The following ALDH1A2 variants were observed in gnomAD, a reference collection of about 807,000 sequenced individuals.
ALDH1A2 encodes the protein aldehyde dehydrogenase 1 family member A2.
A neutral mutation model predicts 60.3 loss-of-function variants in ALDH1A2; 27 were observed. That is an observed-to-expected ratio of 0.45 (90% CI 0.33 to 0.62). The LOEUF (loss-of-function observed/expected upper bound fraction) is 0.62. Ranked by LOEUF, ALDH1A2 falls within the 20% of genes least tolerant of loss-of-function variation. ALDH1A2 has a pLI of 0.02. For missense variants in ALDH1A2, 581 were observed against 643.8 expected (o/e 0.90, Z 1.06); for synonymous variants, 289 against 232.4 (o/e 1.24, Z -2.21).
chr15:57,993,158 A>T, intron 5 of ALDH1A2, 85 bp from the exon 6 acceptor site: 11 of 1,501,134 alleles, frequency 7.3e-6, no homozygotes, highest in Non-Finnish European at 9.1e-6. Flanking sequence ...CATATTTCTC[A>T]AACTAGTCCT....
At chr15:57,967,996 G>A (rs2140457346) in intron 7 of ALDH1A2, among the ~76,000 whole-genome samples, 2 of 152,216 alleles carry the variant, frequency 1.3e-5, no homozygotes, top group South Asian at 4.2e-4. Context: ...AGGGCAACTG[G>A]GGAAACAGCA....
chr15:57,972,686 A>C (rs1894110605), intron 7 of ALDH1A2, among the ~76,000 whole-genome samples: 1 of 152,226 alleles, frequency 6.6e-6, no homozygotes, highest in African/African-American at 2.4e-5. Context: ...ATTTTTTAAA[A>C]AGAGAAGTTT....
intron 1 of ALDH1A2, among the ~76,000 whole-genome samples, chr15:58,064,103 G>A (rs1245844969): frequency 3.9e-5 from 6 of 152,090 alleles, no homozygotes; most frequent in African/African-American, 9.7e-5. Flanking sequence ...TTTCTCCTGT[G>A]TAGATCTTCC....
At chr15:57,985,822 T>C (rs1227681043) in intron 7 of ALDH1A2, among the ~76,000 whole-genome samples, 6 of 152,124 alleles carry the variant, frequency 3.9e-5, no homozygotes, top group African/African-American at 9.7e-5. Flanking sequence ...GTAAAACTTA[T>C]AAAAATCAAG....
chr15:57,990,952 A>T (rs1894877824), intron 7 of ALDH1A2, among the ~76,000 whole-genome samples: 1 of 152,144 alleles, frequency 6.6e-6, no homozygotes, highest in African/African-American at 2.4e-5. Flanking sequence ...GTCAACAGAA[A>T]AAGGTTAAAG....
In ALDH1A2 at chr15:57,988,213, A is replaced by G. The variant is rs77461359; in HGVS notation, c.798+4492T>C. 9.2e-5 allele frequency among the ~76,000 whole-genome samples: 14 copies of G among 152,360 alleles called. 1 individual carries two copies. The East Asian group carries it at 2.3e-3, about 25-fold the overall frequency. On this transcript the variant is annotated intron_variant, in intron 7 of 12. Coordinates refer to ENST00000249750, the MANE Select transcript of ALDH1A2 (RefSeq NM_003888.4). ...TAACACAAAGGATGAGATTGGAACA[A>G]TGCTGCTGTATGGTTACCACACTGT...
At chr15:58,025,038 A>C (rs1854112446) in intron 1 of ALDH1A2, among the ~76,000 whole-genome samples, 1 of 152,170 alleles carries the variant, frequency 6.6e-6, no homozygotes. Flanking sequence ...AAGCAGTGCT[A>C]AGAGGAAATT....
chr15:58,032,799 C>G (rs1896276848), intron 1 of ALDH1A2, among the ~76,000 whole-genome samples: 1 of 151,850 alleles, frequency 6.6e-6, no homozygotes, highest in African/African-American at 2.4e-5. Context: ...AACACACACA[C>G]ACACACACAC....
intron 1 of ALDH1A2, among the ~76,000 whole-genome samples, chr15:58,027,335 G>T (rs973718745): frequency 6.6e-6 from 1 of 152,122 alleles, no homozygotes; most frequent in African/African-American, 2.4e-5. Context: ...AAACAGAAAG[G>T]AATAGCATCA....
In ALDH1A2 at chr15:57,995,240, A is replaced by G. The variant is rs550639196; in HGVS notation, c.494-101T>C. On this transcript the variant is annotated intron_variant, in intron 4 of 12. Transcript: ENST00000249750. ...TGCAAAAAAAAAAAAAAAAAAACAA[A>G]CAGAAATAAACTTGAAAAAACATCC... 89 of 826,778 alleles carry G rather than the reference A, an allele frequency of 1.1e-4. 6 individuals are homozygous for G. In the South Asian group the frequency reaches 1.3e-3, roughly 12 times the overall value. 51.2% of individuals were successfully genotyped at this position (826,778 alleles called of 1,614,324 possible).
chr15:58,037,212 T>A (rs1190914179), intron 1 of ALDH1A2, among the ~76,000 whole-genome samples: 2 of 150,844 alleles, frequency 1.3e-5, no homozygotes, highest in Non-Finnish European at 3.0e-5. Context: ...ATCAGAAAAC[T>A]CATATAGGTA....
chr15:58,007,585 C>T (rs1370475536), intron 4 of ALDH1A2, among the ~76,000 whole-genome samples: 1 of 151,958 alleles, frequency 6.6e-6, no homozygotes, highest in East Asian at 1.9e-4. Flanking sequence ...CATTTAAAAT[C>T]CAGACTATCT....
intron 1 of ALDH1A2, among the ~76,000 whole-genome samples, chr15:58,050,979 CAGG>C (rs1486493433): frequency 6.6e-6 from 1 of 152,116 alleles, no homozygotes; most frequent in Non-Finnish European, 1.5e-5. Context: ...GATTTCTCCA[CAGG>C]AGACTAAACA....
rs1897152716 is a variant in ALDH1A2, at chr15:58,065,480, CGAA to C, written c.117+51_117+53del. 8 of 1,455,424 alleles carry C rather than the reference CGAA, an allele frequency of 5.5e-6. No homozygotes were observed. In the African/African-American group the frequency reaches 1.1e-4, roughly 20 times the overall value. The allele number at this position is 1,455,424 out of a possible 1,614,324, so 90.2% of individuals were successfully genotyped here. Reference sequence around the variant, plus strand: ...CACCCGCTGAAGAGATCGGGGAAACCGAAGAAGGTTCTAGAAAGTCTCCGTGGA... The same window carrying C: ...CACCCGCTGAAGAGATCGGGGAAACCGAAGGTTCTAGAAAGTCTCCGTGGA... On this transcript the variant is annotated intron_variant, in intron 1 of 12. Transcript: ENST00000249750.
chr15:58,055,531 A>G (rs1358260233), intron 1 of ALDH1A2, among the ~76,000 whole-genome samples: 1 of 152,098 alleles, frequency 6.6e-6, no homozygotes, highest in African/African-American at 2.4e-5. Context: ...AGAAGTGCAA[A>G]TAAGTAATAT....
rs759274940 is a variant in ALDH1A2, at chr15:58,065,662, G to A, written c.-12C>T. 2.1e-5 allele frequency: 33 copies of A among 1,569,070 alleles called. No individual in the cohort carries two copies. The highest frequency in any genetic ancestry group is 2.7e-5 in the Non-Finnish European group (31 of 1,154,498). On this transcript the variant is annotated 5_prime_UTR_variant, in exon 1 of 13. Transcript: ENST00000249750. ...TTGCTGGAAGTCATGGTGGCGGGCCGGGTGTCCCTAGCCCGCGGCGTGGGG... is the reference window on the plus strand; with the variant it reads ...TTGCTGGAAGTCATGGTGGCGGGCCAGGTGTCCCTAGCCCGCGGCGTGGGG...
chr15:58,025,370 T>A (rs1896051592), intron 1 of ALDH1A2, among the ~76,000 whole-genome samples: 1 of 152,098 alleles, frequency 6.6e-6, no homozygotes, highest in Non-Finnish European at 1.5e-5. Context: ...GATACCACAG[T>A]AATCTCTGAA....
intron 7 of ALDH1A2, among the ~76,000 whole-genome samples, chr15:57,968,625 A>C (rs1182920207): frequency 6.6e-6 from 1 of 152,256 alleles, no homozygotes; most frequent in African/African-American, 2.4e-5. Context: ...ATAAATCATC[A>C]GTTACAAAAC....
chr15:57,994,056 G>A (rs1894976833), intron 5 of ALDH1A2, among the ~76,000 whole-genome samples: 1 of 152,220 alleles, frequency 6.6e-6, no homozygotes, highest in Admixed American at 6.5e-5. Flanking sequence ...TTGAGCCAGA[G>A]CTGGCTGACA....
Sources: gnomAD v4.1 joint callset for allele counts (sites outside exome capture counted in the v4.1 genomes callset) on GRCh38, gnomAD v4.1.1 for gene constraint, MANE v1.5 for transcripts, NCBI Gene and HGNC (gene_info 2026-07-23, HGNC 2026-07-21) for gene names.